TRAM2: variants seen among roughly 807,000 people sequenced by gnomAD.
The protein encoded by TRAM2 is translocating chain-associated membrane protein 2.
A neutral mutation model predicts 51.0 loss-of-function variants in TRAM2; 12 were observed. The observed-to-expected ratio is 0.24, with a 90% confidence interval of 0.15 to 0.38. The LOEUF (loss-of-function observed/expected upper bound fraction) is 0.38, where lower values mean the gene tolerates loss of function less well. TRAM2 is among the 10% of genes least tolerant of loss of function. The pLI, the probability that TRAM2 is intolerant of heterozygous loss-of-function variation, is 1.00. For missense variants in TRAM2, 361 were observed against 462.0 expected, an observed-to-expected ratio of 0.78 and a Z score of 2.00; for synonymous variants, 175 against 179.4, an observed-to-expected ratio of 0.98 and a Z score of 0.20.
intron 8 of TRAM2, 71 bp downstream of exon 8, chr6:52,505,961 C>T (rs564087989): frequency 6.4e-7 from 1 of 1,552,106 alleles, no homozygotes; most frequent in African/African-American, 1.4e-5. Flanking sequence ...AGGGACCCTC[C>T]AACCATCCGG....
intron 1 of TRAM2, among the ~76,000 whole-genome samples, chr6:52,539,127 T>C (rs1439594638): frequency 6.6e-6 from 1 of 152,202 alleles, no homozygotes; most frequent in East Asian, 1.9e-4. Context: ...ATCCTACGCT[T>C]AGGATGCTAG....
At position 52,501,578 on chromosome 6, in the gene TRAM2, C is replaced by T. The variant is rs1766225081; in HGVS notation, c.*1619G>A. ...TTTTGTTTTTTTAGACAGAATTTCG[C>T]TCTTGTTGTCCAGGCTGGAGTGCCA... On this transcript the variant is annotated 3_prime_UTR_variant, in exon 11 of 11. Transcript: ENST00000182527. The T allele has an allele frequency of 6.6e-6, 1 of 152,196 alleles. No homozygotes were observed. The highest frequency in any genetic ancestry group is 1.5e-5 in the Non-Finnish European group (1 of 68,050). 9.4% of individuals were successfully genotyped at this position (152,196 alleles called of 1,614,324 possible).
At chr6:52,510,902 A>G (rs1002459973) in intron 4 of TRAM2, among the ~76,000 whole-genome samples, 2 of 152,242 alleles carry the variant, frequency 1.3e-5, no homozygotes, top group African/African-American at 4.8e-5. Flanking sequence ...CACAAGCAAG[A>G]GTCAGCTGAA....
At chr6:52,535,403 C>T (rs573500618) in intron 2 of TRAM2, among the ~76,000 whole-genome samples, 5 of 152,332 alleles carry the variant, frequency 3.3e-5, no homozygotes, top group African/African-American at 1.2e-4. Flanking sequence ...TTGTACACAG[C>T]TAGGCGTGGT....
intron 1 of TRAM2, among the ~76,000 whole-genome samples, chr6:52,552,325 A>T (rs148872461): frequency 1.8e-4 from 27 of 152,366 alleles, no homozygotes; most frequent in African/African-American, 6.3e-4. Flanking sequence ...AGACAAGAAC[A>T]GACTGAAATC....
chr6:52,507,530 G>A, intron 7 of TRAM2, 23 bp downstream of exon 7: 1 of 1,612,958 alleles, frequency 6.2e-7, no homozygotes, highest in African/African-American at 1.3e-5. Context: ...AGGAAATCTG[G>A]CTGGCTCCAT....
Position 52,536,627 on chromosome 6 carries a change from C to T in TRAM2, c.121-781G>A, listed in dbSNP as rs146962924. ...GTATCTACCAGCAAGTAATCTTATACGCTGAGCCTCAGTCTGCTTGTCCAT... is the reference window on the plus strand; with the variant it reads ...GTATCTACCAGCAAGTAATCTTATATGCTGAGCCTCAGTCTGCTTGTCCAT... On this transcript the variant is annotated intron_variant, in intron 1 of 10. Transcript: ENST00000182527. 9.2e-3 allele frequency among the ~76,000 whole-genome samples: 1,394 copies of T among 152,236 alleles called. 24 individuals carry two copies. The highest frequency in any genetic ancestry group is 0.032 in the African/African-American group (1,312 of 41,534).
In TRAM2 at chr6:52,508,313, T is replaced by C. The variant is rs777322963; in HGVS notation, c.476A>G (p.Gln159Arg). Residue 159 changes from glutamine to arginine, a missense_variant, in exon 6 of 11, where the codon CAG becomes CGG. Physicochemically the swap from Gln to Arg is conservative, Grantham distance 43 (BLOSUM62 1). Coordinates refer to ENST00000182527, the MANE Select transcript of TRAM2 (RefSeq NM_012288.4). ...CTGGCATAGGTAGAAAAACTTCACC[T>C]GGAAGCTGGAGACAAGGGGGCAAGT... ...EDYPHVHLPF[Q>R]VKFFYLCQLA... is the part of the protein sequence containing the mutation. 1 of 1,613,624 alleles carries C rather than the reference T, an allele frequency of 6.2e-7. No homozygotes were observed. Among genetic ancestry groups the C allele is most frequent in the South Asian group, 1.1e-5 (1 of 91,030 alleles).
rs114535054 is a variant in TRAM2 at position 52,561,434 on chromosome 6, C to T, written c.120+15362G>A. ...AGTAGCTGGTACTACAGGTATATGC[C>T]GCCATGCCTGGCTAATTTCTTTTAT... On this transcript the variant is annotated intron_variant, in intron 1 of 10. Coordinates refer to ENST00000182527, the MANE Select transcript of TRAM2 (RefSeq NM_012288.4). 2.1e-3 allele frequency among the ~76,000 whole-genome samples: 313 copies of T among 152,022 alleles called. 1 individual carries two copies. The highest frequency in any genetic ancestry group is 7.0e-3 in the African/African-American group (290 of 41,470).
At position 52,501,943 on chromosome 6, in the gene TRAM2, G is replaced by A. The variant is rs1335328805; in HGVS notation, c.*1254C>T. ...CCTTCTCTTCAGGTGGAGGGGAGGGGAAAGAATCTGTGAGGGAAGGGGCCA... is the reference window on the plus strand; with the variant it reads ...CCTTCTCTTCAGGTGGAGGGGAGGGAAAAGAATCTGTGAGGGAAGGGGCCA... On this transcript the variant is annotated 3_prime_UTR_variant, in exon 11 of 11. Transcript: ENST00000182527. 3 of 152,248 alleles carry A rather than the reference G, an allele frequency of 2.0e-5. No individual in the cohort carries two copies. Among genetic ancestry groups the A allele is most frequent in the Non-Finnish European group, 2.9e-5 (2 of 68,058 alleles). The allele number at this position is 152,248 out of a possible 1,614,324, so 9.4% of individuals were successfully genotyped here.
chr6:52,510,410 G>T lies in TRAM2; in HGVS notation c.412-824C>A, dbSNP rs1247727756. On this transcript the variant is annotated intron_variant, in intron 4 of 10. Transcript: ENST00000182527. ...AAAGGGAAACCCCCTGGGACCCAAA[G>T]GGAGAGGGAGGCTAAAAGGCAGAGC... 2.0e-5 allele frequency among the ~76,000 whole-genome samples: 3 copies of T among 152,192 alleles called. No homozygotes were observed. The East Asian group carries it at 5.8e-4, about 29-fold the overall frequency.
chr6:52,516,425 A>AAT (rs1359400825), intron 3 of TRAM2: 10 of 604,628 alleles, frequency 1.7e-5, no homozygotes, highest in Non-Finnish European at 2.9e-5. Flanking sequence ...CTGTGTAATA[A>AAT]ATACTGCTGT....
intron 1 of TRAM2, among the ~76,000 whole-genome samples, chr6:52,554,998 G>A (rs1489701839): frequency 6.6e-6 from 1 of 152,120 alleles, no homozygotes; most frequent in Non-Finnish European, 1.5e-5. Flanking sequence ...ACAAGTGTGA[G>A]CCACTGTGCC....
chr6:52,516,333 T>C (rs1766548627), intron 3 of TRAM2: 4 of 599,066 alleles, frequency 6.7e-6, no homozygotes, highest in Non-Finnish European at 8.9e-6. Context: ...TGAATGTCTC[T>C]AGCCTATGTG....
At chr6:52,543,608 T>C (rs1767143826) in intron 1 of TRAM2, among the ~76,000 whole-genome samples, 1 of 152,168 alleles carries the variant, frequency 6.6e-6, no homozygotes, top group Non-Finnish European at 1.5e-5. Flanking sequence ...TCAGATTAGG[T>C]AATATTTTAG....
In TRAM2 at chr6:52,557,604, T is replaced by G. The variant is rs1767432067; in HGVS notation, c.120+19192A>C. On this transcript the variant is annotated intron_variant, in intron 1 of 10. Coordinates refer to ENST00000182527, the MANE Select transcript of TRAM2 (RefSeq NM_012288.4). ...CATAACACCGTATTTATAAGCCCCA[T>G]GTGACATGGCAATGAGAAATGGAGA... Among the ~76,000 whole-genome samples the G allele has an allele frequency of 2.0e-5, 3 of 152,146 alleles. No individual in the cohort carries two copies. In the South Asian group the frequency reaches 6.2e-4, roughly 31 times the overall value.
chr6:52,548,835 C>T (rs192905831), intron 1 of TRAM2, among the ~76,000 whole-genome samples: 5 of 152,322 alleles, frequency 3.3e-5, no homozygotes, highest in African/African-American at 1.2e-4. Context: ...TTTGCTTTCT[C>T]CAGGGCAAAG....
intron 1 of TRAM2, among the ~76,000 whole-genome samples, chr6:52,545,061 TA>T (rs1205306110): frequency 6.6e-6 from 1 of 152,210 alleles, no homozygotes; most frequent in Non-Finnish European, 1.5e-5. Flanking sequence ...AACTAAAATA[TA>T]AAAAGACTTG....
intron 4 of TRAM2, among the ~76,000 whole-genome samples, chr6:52,513,517 G>A (rs1766489740): frequency 6.6e-6 from 1 of 152,166 alleles, no homozygotes; most frequent in Non-Finnish European, 1.5e-5. Flanking sequence ...AACAGGCACA[G>A]TGCAGAAAAT....
Sources: gnomAD v4.1 joint callset for allele counts (sites outside exome capture counted in the v4.1 genomes callset) on GRCh38, gnomAD v4.1.1 for gene constraint, MANE v1.5 for transcripts, NCBI Gene and HGNC (gene_info 2026-07-23, HGNC 2026-07-21) for gene names.